PLCB4: variants seen among roughly 807,000 people sequenced by gnomAD.
PLCB4 encodes 1-phosphatidylinositol 4,5-bisphosphate phosphodiesterase beta-4.
A neutral mutation model predicts 178.8 loss-of-function variants in PLCB4; 77 were observed. That is an observed-to-expected ratio of 0.43 (90% CI 0.36 to 0.52). The LOEUF is 0.52. Among genes scored for constraint, PLCB4 ranks in the 20% least tolerant of loss-of-function variants. The pLI is 0.00. For synonymous variants in PLCB4, 496 were observed against 490.8 expected, an observed-to-expected ratio of 1.01 and a Z score of -0.14; for missense variants, 1,024 against 1,453.4, an observed-to-expected ratio of 0.70 and a Z score of 4.80.
intron 3 of PLCB4, among the ~76,000 whole-genome samples, chr20:9,277,837 C>A (rs73093863): frequency 0.024 from 3,662 of 152,024 alleles, 61 homozygotes; most frequent in Non-Finnish European, 0.039. Flanking sequence ...ACCAGGCACT[C>A]CTGTTTTGAA....
chr20:9,222,417 C>T (rs1174010759), intron 3 of PLCB4, among the ~76,000 whole-genome samples: 1 of 151,756 alleles, frequency 6.6e-6, no homozygotes, highest in East Asian at 1.9e-4. Context: ...CGATTCAGTA[C>T]AGCACAAAAT....
intron 1 of PLCB4, among the ~76,000 whole-genome samples, chr20:9,081,702 T>C (rs1016470567): frequency 3.4e-5 from 4 of 116,644 alleles, no homozygotes; most frequent in Non-Finnish European, 6.8e-5. Context: ...AATGAATAAA[T>C]AACCAAATGC....
chr20:9,445,876 G>A (rs367807668), intron 32 of PLCB4, among the ~76,000 whole-genome samples: 16 of 152,184 alleles, frequency 1.1e-4, no homozygotes, highest in African/African-American at 2.9e-4. Flanking sequence ...GTGGATGCCC[G>A]TATGCTGCAG....
At chr20:9,252,727 C>A (rs1316437707) in intron 3 of PLCB4, among the ~76,000 whole-genome samples, 1 of 152,146 alleles carries the variant, frequency 6.6e-6, no homozygotes, top group Non-Finnish European at 1.5e-5. Context: ...GCTTCATCAT[C>A]CAGTCTGGGG....
chr20:9,233,836 CTTGTTTG>C (rs773904776), intron 3 of PLCB4, among the ~76,000 whole-genome samples: 6 of 151,998 alleles, frequency 3.9e-5, no homozygotes, highest in Non-Finnish European at 7.4e-5. Flanking sequence ...GTTGATGTTT[CTTGTTTG>C]TTGTTTGTTT....
chr20:9,251,490 C>T (rs901303368), intron 3 of PLCB4, among the ~76,000 whole-genome samples: 3 of 152,116 alleles, frequency 2.0e-5, no homozygotes, highest in South Asian at 2.1e-4. Context: ...ATTGGCAACT[C>T]GGTAGTGGCA....
chr20:9,291,231 T>G (rs1429929977), intron 3 of PLCB4, among the ~76,000 whole-genome samples: 1 of 152,218 alleles, frequency 6.6e-6, no homozygotes, highest in Non-Finnish European at 1.5e-5. Context: ...TGAATGTTAT[T>G]GCTGGTATTT....
At chr20:9,371,140 G>A in intron 9 of PLCB4, 74 bp from the exon 10 acceptor site, 1 of 918,208 alleles carries the variant, frequency 1.1e-6, no homozygotes, top group South Asian at 1.3e-5. Context: ...TCCATAGTAG[G>A]ACCTGGATCT....
At chr20:9,183,990 C>T (rs1015276180) in intron 2 of PLCB4, among the ~76,000 whole-genome samples, 11 of 152,148 alleles carry the variant, frequency 7.2e-5, no homozygotes, top group Non-Finnish European at 1.3e-4. Flanking sequence ...TTAACGTGAG[C>T]TACTTTCCCT....
At chr20:9,392,069 C>A (rs2148418663) in intron 17 of PLCB4, among the ~76,000 whole-genome samples, 1 of 152,284 alleles carries the variant, frequency 6.6e-6, no homozygotes, top group South Asian at 2.1e-4. Flanking sequence ...TTTGTTTTTA[C>A]CTAGGCCCTC....
At chr20:9,332,620 T>C (rs927149271) in intron 4 of PLCB4, among the ~76,000 whole-genome samples, 1 of 152,136 alleles carries the variant, frequency 6.6e-6, no homozygotes, top group Non-Finnish European at 1.5e-5. Flanking sequence ...ATTTCTATTC[T>C]GATAATTGCT....
intron 1 of PLCB4, among the ~76,000 whole-genome samples, chr20:9,089,584 C>T (rs1352256548): frequency 1.3e-5 from 2 of 152,038 alleles, no homozygotes; most frequent in African/African-American, 4.8e-5. Flanking sequence ...ACTTAATTTT[C>T]TGTTTAAAAC....
rs767917854 is a variant in PLCB4, at chr20:9,459,645, T to C, written c.3083T>C (p.Ile1028Thr). ...TSDHKSKVKE[I>T]VAQHTKEWSE... Reference sequence around the variant, plus strand: ...CTTTTTCCCAAACAGGTCAAAGAGATTGTAGCACAGCACACAAAGGAATGG... The same window carrying C: ...CTTTTTCCCAAACAGGTCAAAGAGACTGTAGCACAGCACACAAAGGAATGG... Residue 1028 changes from isoleucine (I) to threonine (T), a missense_variant, in exon 35 of 40, where the codon ATT (isoleucine) becomes ACT (threonine). This residue lies in a region of PLCB4 where 264 missense variants were observed against 283.2 expected (regional missense o/e 0.93). Transcript: ENST00000378473. The C allele has an allele frequency of 6.2e-7, 1 of 1,605,762 alleles. No individual in the cohort carries two copies. The highest frequency in any genetic ancestry group is 1.1e-5 in the South Asian group (1 of 90,782).
chr20:9,373,110 C>T lies in PLCB4; in HGVS notation c.744+6C>T. On this transcript the variant is annotated splice_donor_region_variant and intron_variant, in intron 12 of 39. Transcript: ENST00000378473. ...TAGTGAGCTTTCTAAATGAAGTAAGCTTTTTCATACATTAACTCCATAAAG... is the reference window on the plus strand; with the variant it reads ...TAGTGAGCTTTCTAAATGAAGTAAGTTTTTTCATACATTAACTCCATAAAG... 7.1e-7 allele frequency: 1 copy of T among 1,409,884 alleles called. No individual in the cohort carries two copies. Among genetic ancestry groups the T allele is most frequent in the Non-Finnish European group, 1.0e-6 (1 of 997,990 alleles). The allele number at this position is 1,409,884 out of a possible 1,614,324, so 87.3% of individuals were successfully genotyped here.
At chr20:9,236,288 C>T (rs1435941815) in intron 3 of PLCB4, among the ~76,000 whole-genome samples, 1 of 152,140 alleles carries the variant, frequency 6.6e-6, no homozygotes, top group Non-Finnish European at 1.5e-5. Flanking sequence ...TGCTGTTCTC[C>T]ACCCCTCCAA....
At chr20:9,385,840 TC>T (rs1191709853) in intron 14 of PLCB4, among the ~76,000 whole-genome samples, 1 of 151,932 alleles carries the variant, frequency 6.6e-6, no homozygotes, top group African/African-American at 2.4e-5. Flanking sequence ...GCTCCCCACT[TC>T]CTAGACGGGG....
At chr20:9,261,904 T>C (rs184594551) in intron 3 of PLCB4, among the ~76,000 whole-genome samples, 152 of 152,300 alleles carry the variant, frequency 1.0e-3, no homozygotes, top group African/African-American at 3.6e-3. Flanking sequence ...AAGACAAAGA[T>C]GAATCTATAT....
chr20:9,284,381 C>G (rs1374242678), intron 3 of PLCB4, among the ~76,000 whole-genome samples: 1 of 151,844 alleles, frequency 6.6e-6, no homozygotes, highest in African/African-American at 2.4e-5. Flanking sequence ...TGGTTAGAGT[C>G]AAGTGAGCAT....
chr20:9,126,188 A>G (rs60726658), intron 2 of PLCB4, among the ~76,000 whole-genome samples: 2,209 of 152,334 alleles, frequency 0.015, 39 homozygotes, highest in African/African-American at 0.051. Context: ...CTATAAACGA[A>G]TTAAGTTTAT....
Sources: gnomAD v4.1 joint callset for allele counts (sites outside exome capture counted in the v4.1 genomes callset) on GRCh38, gnomAD v4.1.1 for gene constraint, gnomAD v4.1.1 regional missense constraint, MANE v1.5 for transcripts, NCBI Gene and HGNC (gene_info 2026-07-23, HGNC 2026-07-21) for gene names.